The following SEC62 variants were observed in gnomAD, a reference collection of about 807,000 sequenced individuals.
SEC62 encodes the protein SEC62 preprotein translocation factor.
In SEC62, 10 loss-of-function variants were observed where a neutral mutation model predicts 47.5. The observed-to-expected ratio is 0.21, with a 90% CI of 0.13 to 0.36. The LOEUF (loss-of-function observed/expected upper bound fraction) is 0.36, where lower values mean the gene tolerates loss of function less well. Among genes scored for constraint, SEC62 ranks in the 10% least tolerant of loss-of-function variants. The pLI, the probability that SEC62 is intolerant of heterozygous loss-of-function variation, is 1.00. For missense variants in SEC62, 327 were observed against 464.1 expected, an observed-to-expected ratio of 0.70 and a Z score of 2.71; for synonymous variants, 136 against 150.5, an observed-to-expected ratio of 0.90 and a Z score of 0.71.
intron 1 of SEC62, among the ~76,000 whole-genome samples, chr3:169,970,601 T>C (rs1214004885): frequency 2.0e-5 from 3 of 152,234 alleles, no homozygotes; most frequent in Non-Finnish European, 2.9e-5. Context: ...AAGAATTTTA[T>C]AAGAGTATTC....
Position 169,992,863 on chromosome 3 carries a change from G to A in SEC62, c.1000G>A (p.Gly334Ser), listed in dbSNP as rs1157224042. ...AGGACCAGGAAATCATGGAACAGAAGGCTCGGGGGGAGAACGGCATTCAGA... is the reference window on the plus strand; with the variant it reads ...AGGACCAGGAAATCATGGAACAGAAAGCTCGGGGGGAGAACGGCATTCAGA... The part of the protein sequence containing the change: ...KVGPGNHGTE[G>S]SGGERHSDTD... The change falls in exon 8 of 8, where the codon GGC (glycine) becomes AGC (serine). Residue 334 changes from glycine to serine, a missense_variant. By Grantham distance (56) the Gly-to-Ser change is moderately conservative. Coordinates refer to ENST00000337002, the MANE Select transcript of SEC62 (RefSeq NM_003262.4). The surrounding 1 kb of genome is among the most constrained non-coding windows in gnomAD (Gnocchi z 4.0). 1 of 1,614,094 alleles carries A rather than the reference G, an allele frequency of 6.2e-7. No individual in the cohort carries two copies. The highest frequency in any genetic ancestry group is 2.2e-5 in the East Asian group (1 of 44,880).
Position 169,996,048 on chromosome 3 carries a change from A to G in SEC62, c.*2985A>G, listed in dbSNP as rs1159928444. Reference sequence around the variant, plus strand: ...TGCAAAAACCATGGCATTAGCGTAAAAAGGACACGTTTATAGTATGAAAGC... The same window carrying G: ...TGCAAAAACCATGGCATTAGCGTAAGAAGGACACGTTTATAGTATGAAAGC... On this transcript the variant is annotated 3_prime_UTR_variant, in exon 8 of 8. Transcript: ENST00000337002. 3.3e-5 allele frequency: 5 copies of G among 152,206 alleles called. No homozygotes were observed. The highest frequency in any genetic ancestry group is 5.9e-5 in the Non-Finnish European group (4 of 68,042). 9.4% of individuals were successfully genotyped at this position (152,206 alleles called of 1,614,324 possible).
In SEC62 at chr3:169,992,828, A is replaced by C; in HGVS notation, c.965A>C (p.Glu322Ala). The change falls in exon 8 of 8, where the codon GAG becomes GCG. Residue 322 changes from glutamate (E) to alanine (A), a missense_variant. Glu to Ala is a moderately radical substitution (Grantham distance 107). Around this residue, in one of 3 missense-constraint regions of SEC62, gnomAD observed 102 missense variants for 108.8 expected, o/e 0.94. Coordinates refer to ENST00000337002, the MANE Select transcript of SEC62 (RefSeq NM_003262.4). This position sits in a 1 kb window ranked among gnomAD's most constrained non-coding sequence, Gnocchi z 4.0. ...KSDSEKKEDE[E>A]GKVGPGNHGT... is the part of the protein sequence containing the mutation. ...GACAGTGAGAAAAAGGAAGATGAGGAGGGGAAAGTAGGACCAGGAAATCAT... is the reference window on the plus strand; with the variant it reads ...GACAGTGAGAAAAAGGAAGATGAGGCGGGGAAAGTAGGACCAGGAAATCAT... 6.2e-7 allele frequency: 1 copy of C among 1,614,062 alleles called. No individual in the cohort carries two copies. Among genetic ancestry groups the C allele is most frequent in the South Asian group, 1.1e-5 (1 of 91,072 alleles).
intron 2 of SEC62, 137 bp from the exon 3 acceptor site, chr3:169,976,809 T>C (rs972987185): frequency 4.1e-6 from 2 of 488,330 alleles, no homozygotes; most frequent in African/African-American, 3.9e-5. Flanking sequence ...ATCATGATCA[T>C]GTTAGATTTA....
chr3:169,991,139 T>C (rs535155503), intron 7 of SEC62, among the ~76,000 whole-genome samples: 1 of 152,348 alleles, frequency 6.6e-6, no homozygotes, highest in African/African-American at 2.4e-5. Context: ...AGTTTTTTCA[T>C]AATACAGTGT....
intron 2 of SEC62, among the ~76,000 whole-genome samples, chr3:169,975,965 A>G (rs1010294672): frequency 3.9e-5 from 6 of 152,198 alleles, no homozygotes; most frequent in Admixed American, 2.6e-4. Flanking sequence ...TTAAAATACT[A>G]CCTTTTGTTT....
intron 3 of SEC62, among the ~76,000 whole-genome samples, chr3:169,981,144 G>A (rs3772179): frequency 0.29 from 43,866 of 152,016 alleles, 7,687 homozygotes; most frequent in African/African-American, 0.49. Flanking sequence ...ATATGTATAT[G>A]TATTCATAGC....
rs1440880409 is a variant in SEC62 at position 169,992,976 on chromosome 3, G to A, written c.1113G>A (p.Leu371=). The change falls in exon 8 of 8, where the codon CTG becomes CTA. Residue 371 remains leucine (L), a synonymous_variant. Coordinates refer to ENST00000337002, the MANE Select transcript of SEC62 (RefSeq NM_003262.4). This position sits in a 1 kb window ranked among gnomAD's most constrained non-coding sequence, Gnocchi z 4.0. ...NDFEMITKEE[L]EQQTDGDCEE... ...TTGAAATGATAACAAAAGAGGAACTGGAACAGCAAACAGATGGGGATTGTG... is the reference window on the plus strand; with the variant it reads ...TTGAAATGATAACAAAAGAGGAACTAGAACAGCAAACAGATGGGGATTGTG... 1 of 1,613,794 alleles carries A rather than the reference G, an allele frequency of 6.2e-7. No homozygotes were observed. The highest frequency in any genetic ancestry group is 2.2e-5 in the East Asian group (1 of 44,854).
chr3:169,991,754 G>C (rs76139711), intron 7 of SEC62, among the ~76,000 whole-genome samples: 1,942 of 152,212 alleles, frequency 0.013, 51 homozygotes, highest in African/African-American at 0.044. Context: ...TTCTAATACT[G>C]GGGTTCCTTA....
At chr3:169,976,751 A>G (rs748874805) in intron 2 of SEC62, among the ~76,000 whole-genome samples, 195 bp from the exon 3 acceptor site, 4 of 152,348 alleles carry the variant, frequency 2.6e-5, no homozygotes, top group Non-Finnish European at 4.4e-5. Flanking sequence ...CATTACTTTT[A>G]AAAGATACTT....
At chr3:169,966,897 C>T (rs1384724887) in intron 1 of SEC62, 39 bp downstream of exon 1, 2 of 1,365,094 alleles carry the variant, frequency 1.5e-6, no homozygotes, top group Non-Finnish European at 2.0e-6. Flanking sequence ...CTTCGGCGCG[C>T]TGGATAGTGG....
intron 1 of SEC62, among the ~76,000 whole-genome samples, chr3:169,973,335 GA>G (rs1368734058): frequency 6.6e-6 from 1 of 152,098 alleles, no homozygotes; most frequent in Non-Finnish European, 1.5e-5. Context: ...CCTGAACTTG[GA>G]GTGTTAAATT....
At chr3:169,976,384 A>AG (rs993875085) in intron 2 of SEC62, among the ~76,000 whole-genome samples, 7 of 151,972 alleles carry the variant, frequency 4.6e-5, no homozygotes, top group Non-Finnish European at 1.0e-4. Flanking sequence ...GAAAAAAAAA[A>AG]CTAAATTGCC....
Position 169,985,862 on chromosome 3 carries a change from C to T in SEC62, c.607C>T (p.Leu203Phe), listed in dbSNP as rs761859410. The change falls in exon 6 of 8, where the codon CTT becomes TTT. Residue 203 changes from leucine (L) to phenylalanine (F), a missense_variant. Coordinates refer to ENST00000337002, the MANE Select transcript of SEC62 (RefSeq NM_003262.4). ...HFKTFVMGLILVIAVIAATLF... is the reference protein window; with the variant it reads ...HFKTFVMGLIFVIAVIAATLF... ...TAAAACATTTGTCATGGGATTAATT[C>T]TTGGTAAGTAGTGAGATGTTAATAG... 6.2e-7 allele frequency: 1 copy of T among 1,608,480 alleles called. No individual in the cohort carries two copies. Among genetic ancestry groups the T allele is most frequent in the Non-Finnish European group, 8.5e-7 (1 of 1,176,102 alleles).
intron 7 of SEC62, among the ~76,000 whole-genome samples, chr3:169,991,059 GA>G (rs1430720600): frequency 6.6e-6 from 1 of 152,098 alleles, no homozygotes; most frequent in Non-Finnish European, 1.5e-5. Flanking sequence ...TAAATTCAGA[GA>G]AAACTAAATA....
At position 169,993,874 on chromosome 3, in the gene SEC62, A is replaced by G. The variant is rs1266455666; in HGVS notation, c.*811A>G. The stretch of plus-strand genomic sequence containing the variant: ...TCTCAACACTTAAATTCATAAAATT[A>G]AGACCATGTAAGGGTATGTTTTTAG... On this transcript the variant is annotated 3_prime_UTR_variant, in exon 8 of 8. Coordinates refer to ENST00000337002, the MANE Select transcript of SEC62 (RefSeq NM_003262.4). The G allele has an allele frequency of 6.5e-6, 1 of 152,672 alleles. No individual in the cohort carries two copies. The highest frequency in any genetic ancestry group is 1.5e-5 in the Non-Finnish European group (1 of 68,036). The allele number at this position is 152,672 out of a possible 1,614,324, so 9.5% of individuals were successfully genotyped here.
rs1293390809 is a variant in SEC62, at chr3:169,995,107, A to G, written c.*2044A>G. ...TGCCTCTATTACAATCCTCAGTGGA[A>G]TAGATGGCTATCTTTCTTGGCTAAC... On this transcript the variant is annotated 3_prime_UTR_variant, in exon 8 of 8. Transcript: ENST00000337002. The G allele has an allele frequency of 6.6e-6, 1 of 152,212 alleles. No individual in the cohort carries two copies. The highest frequency in any genetic ancestry group is 1.5e-5 in the Non-Finnish European group (1 of 68,014). 9.4% of individuals were successfully genotyped at this position (152,212 alleles called of 1,614,324 possible). A position where few individuals can be genotyped will look rare whatever the true frequency, so the allele number is the denominator to read the frequency against.
At chr3:169,971,759 C>T (rs1003060632) in intron 1 of SEC62, among the ~76,000 whole-genome samples, 4 of 152,142 alleles carry the variant, frequency 2.6e-5, no homozygotes, top group Non-Finnish European at 5.9e-5. Flanking sequence ...AATATTTAAT[C>T]AGGTTTTACA....
At chr3:169,972,220 T>C (rs1406300038) in intron 1 of SEC62, among the ~76,000 whole-genome samples, 1 of 152,214 alleles carries the variant, frequency 6.6e-6, no homozygotes. Context: ...CAGGGTAAAG[T>C]AGAAATTTCC....
Sources: gnomAD v4.1 joint callset for allele counts (sites outside exome capture counted in the v4.1 genomes callset) on GRCh38, gnomAD v4.1.1 for gene constraint, gnomAD v4.1.1 regional missense constraint, Gnocchi (gnomAD v3.1) non-coding constraint, MANE v1.5 for transcripts, NCBI Gene and HGNC (gene_info 2026-07-23, HGNC 2026-07-21) for gene names.